The following KHDRBS2 variants were observed in gnomAD, a reference collection of about 807,000 sequenced individuals.
KHDRBS2 encodes KH RNA binding domain containing, signal transduction associated 2.
A neutral mutation model predicts 44.3 loss-of-function variants in KHDRBS2; 26 were observed. The ratio of observed to expected loss-of-function variants is 0.59; its 90% confidence interval spans 0.43 to 0.81. KHDRBS2 has a LOEUF of 0.81. Among genes scored for constraint, KHDRBS2 ranks in the 40% least tolerant of loss-of-function variants. The pLI is 0.00. For synonymous variants in KHDRBS2, 194 were observed against 151.1 expected, an observed-to-expected ratio of 1.28 and a Z score of -2.08; for missense variants, 476 against 433.1, an observed-to-expected ratio of 1.10 and a Z score of -0.88.
At chr6:62,276,722 AAC>A (rs1454439019) in intron 1 of KHDRBS2, among the ~76,000 whole-genome samples, 7 of 152,188 alleles carry the variant, frequency 4.6e-5, no homozygotes, top group African/African-American at 1.7e-4. Flanking sequence ...TGTATTCAGA[AAC>A]ATATTTTAGA....
chr6:62,209,227 A>G (rs1340676256), intron 1 of KHDRBS2, among the ~76,000 whole-genome samples: 1 of 152,222 alleles, frequency 6.6e-6, no homozygotes, highest in Non-Finnish European at 1.5e-5. Flanking sequence ...TCCTTAGAAA[A>G]GGAAAAATAG....
chr6:62,052,140 T>C (rs1789208840), intron 2 of KHDRBS2, among the ~76,000 whole-genome samples: 1 of 152,004 alleles, frequency 6.6e-6, no homozygotes, highest in Admixed American at 6.6e-5. Flanking sequence ...CCTGGGCATA[T>C]ACCCAAAGGA....
intron 2 of KHDRBS2, among the ~76,000 whole-genome samples, chr6:62,061,342 T>C (rs1342605845): frequency 1.3e-5 from 2 of 151,888 alleles, no homozygotes; most frequent in Non-Finnish European, 2.9e-5. Context: ...CAGCGCTTCC[T>C]TCAGGAGCTC....
At chr6:62,253,514 G>C (rs549603) in intron 1 of KHDRBS2, among the ~76,000 whole-genome samples, 34,586 of 151,430 alleles carry the variant, frequency 0.23, 5,424 homozygotes, top group African/African-American at 0.45. Flanking sequence ...CTTTTCTTCC[G>C]TCCCTCTATC....
intron 6 of KHDRBS2, among the ~76,000 whole-genome samples, chr6:61,748,743 C>A (rs768168187): frequency 6.6e-6 from 1 of 151,922 alleles, no homozygotes; most frequent in Non-Finnish European, 1.5e-5. Context: ...TTCCAAATTT[C>A]GCATTGTGTT....
intron 1 of KHDRBS2, among the ~76,000 whole-genome samples, chr6:62,276,896 T>A (rs552820132): frequency 3.9e-5 from 6 of 152,318 alleles, no homozygotes; most frequent in African/African-American, 1.4e-4. Context: ...ACTTTACAAT[T>A]TCTTTGCTGT....
chr6:61,742,593 C>T (rs966857705), intron 6 of KHDRBS2, among the ~76,000 whole-genome samples: 1 of 151,910 alleles, frequency 6.6e-6, no homozygotes, highest in Non-Finnish European at 1.5e-5. Flanking sequence ...ATAGTCTCTT[C>T]CATCTCTTTT....
At chr6:61,971,205 C>T (rs943093772) in intron 4 of KHDRBS2, among the ~76,000 whole-genome samples, 8 of 151,926 alleles carry the variant, frequency 5.3e-5, no homozygotes, top group African/African-American at 1.7e-4. Context: ...GAAAGACTGG[C>T]GTGGAGTGAA....
At chr6:62,181,509 T>C (rs1822296614) in intron 1 of KHDRBS2, among the ~76,000 whole-genome samples, 1 of 151,956 alleles carries the variant, frequency 6.6e-6, no homozygotes, top group African/African-American at 2.4e-5. Context: ...ACTTCACACC[T>C]GTTAGGATGG....
chr6:62,285,618 C>A (rs1042855574), intron 1 of KHDRBS2, among the ~76,000 whole-genome samples: 4 of 152,132 alleles, frequency 2.6e-5, no homozygotes, highest in African/African-American at 4.8e-5. Context: ...CAGGTCACAT[C>A]GCCACTGCCA....
At position 61,697,177 on chromosome 6, in the gene KHDRBS2, G is replaced by A. The variant is rs185137541; in HGVS notation, c.952+18C>T. 387 of 1,538,294 alleles carry A rather than the reference G, an allele frequency of 2.5e-4. 3 individuals are homozygous for A. The African/African-American group carries it at 4.9e-3, about 20-fold the overall frequency. On this transcript the variant is annotated intron_variant, in intron 8 of 8. Coordinates refer to ENST00000281156, the MANE Select transcript of KHDRBS2 (RefSeq NM_152688.4). The stretch of plus-strand genomic sequence containing the variant: ...TGGATGTTCCGATTTCACAGTTTTA[G>A]TAAAGAAAAGGTCTTACCGTAGCTG...
At chr6:62,184,679 A>C (rs1823062534) in intron 1 of KHDRBS2, among the ~76,000 whole-genome samples, 1 of 151,840 alleles carries the variant, frequency 6.6e-6, no homozygotes, top group African/African-American at 2.4e-5. Flanking sequence ...TTTTGCCTTA[A>C]CTACTTCTAG....
chr6:61,932,499 C>T (rs1355221522), intron 4 of KHDRBS2, among the ~76,000 whole-genome samples: 2 of 152,118 alleles, frequency 1.3e-5, no homozygotes, highest in South Asian at 2.1e-4. Flanking sequence ...TTAGATTCCA[C>T]GTAAGAGTGA....
intron 4 of KHDRBS2, among the ~76,000 whole-genome samples, chr6:61,965,038 G>A (rs1039162571): frequency 2.6e-5 from 4 of 152,056 alleles, no homozygotes; most frequent in African/African-American, 9.7e-5. Flanking sequence ...CTTTGCACTT[G>A]GGTGAATGTA....
chr6:62,263,113 G>T (rs1047248265), intron 1 of KHDRBS2, among the ~76,000 whole-genome samples: 2 of 151,670 alleles, frequency 1.3e-5, no homozygotes, highest in African/African-American at 4.8e-5. Context: ...AGACTCATTA[G>T]TAATTTACAA....
intron 2 of KHDRBS2, among the ~76,000 whole-genome samples, chr6:62,128,671 T>A (rs1809540435): frequency 6.6e-6 from 1 of 151,594 alleles, no homozygotes; most frequent in Admixed American, 6.6e-5. Flanking sequence ...CTGCTTTAAT[T>A]TTTTTTTGTT....
chr6:61,874,774 T>A (rs543377172), intron 6 of KHDRBS2, among the ~76,000 whole-genome samples: 2 of 152,002 alleles, frequency 1.3e-5, no homozygotes, highest in Non-Finnish European at 2.9e-5. Flanking sequence ...TATACACCCA[T>A]CCCGGTGTCA....
rs938213999 is a variant in KHDRBS2 at position 62,015,599 on chromosome 6, C to A, written c.336+32279G>T. On this transcript the variant is annotated intron_variant, in intron 3 of 8. Transcript: ENST00000281156. ...CACTGACAATTTCCAGAGCTCCAGACAAAAACCGAAAAGCTTTGTTTCTAC... is the reference window on the plus strand; with the variant it reads ...CACTGACAATTTCCAGAGCTCCAGAAAAAAACCGAAAAGCTTTGTTTCTAC... 2.6e-5 allele frequency among the ~76,000 whole-genome samples: 4 copies of A among 152,180 alleles called. 1 individual carries two copies. In the South Asian group the frequency reaches 6.2e-4, roughly 24 times the overall value.
chr6:61,851,843 T>C (rs540528008), intron 6 of KHDRBS2, among the ~76,000 whole-genome samples: 132 of 152,314 alleles, frequency 8.7e-4, no homozygotes, highest in African/African-American at 3.2e-3. Flanking sequence ...CAGTGAGAGA[T>C]AGGTGAAGGA....
Sources: gnomAD v4.1 joint callset for allele counts (sites outside exome capture counted in the v4.1 genomes callset) on GRCh38, gnomAD v4.1.1 for gene constraint, MANE v1.5 for transcripts, NCBI Gene and HGNC (gene_info 2026-07-23, HGNC 2026-07-21) for gene names.